ATP9B: variants seen among roughly 807,000 people sequenced by gnomAD.
The protein encoded by ATP9B is ATPase phospholipid transporting 9B, also known as probable phospholipid-transporting ATPase IIB.
Under a neutral mutation model 146.1 loss-of-function variants are expected in ATP9B, and 110 were observed. The ratio of observed to expected loss-of-function variants is 0.75; its 90% CI spans 0.65 to 0.88. ATP9B has a LOEUF of 0.88. ATP9B is among the 40% of genes least tolerant of loss of function. The pLI, the probability that ATP9B is intolerant of heterozygous loss-of-function variation, is 0.00. For synonymous variants in ATP9B, 604 were observed against 569.7 expected, an observed-to-expected ratio of 1.06 and a Z score of -0.86; for missense variants, 1,499 against 1,496.4, an observed-to-expected ratio of 1.00 and a Z score of -0.03.
chr18:79,225,364 C>G lies in ATP9B; in HGVS notation c.1107+11326C>G, dbSNP rs367863628. Among the ~76,000 whole-genome samples the G allele has an allele frequency of 2.4e-3, 366 of 152,268 alleles. 2 individuals carry two copies. Among genetic ancestry groups the G allele is most frequent in the South Asian group, 6.4e-3 (31 of 4,820 alleles). ...AGTTAGTATTGTCAGCTGATAATTA[C>G]CTGTTGCAAAACTTTAAAATATATC... On this transcript the variant is annotated intron_variant, in intron 11 of 29. Transcript: ENST00000426216.
intron 1 of ATP9B, among the ~76,000 whole-genome samples, chr18:79,073,365 G>A (rs903726539): frequency 3.3e-5 from 5 of 152,298 alleles, no homozygotes; most frequent in South Asian, 2.1e-4. Context: ...GCGAGACTCC[G>A]TCTGCAATCC....
rs1026525085 is a variant in ATP9B at position 79,140,493 on chromosome 18, G to A, written c.668-3309G>A. Among the ~76,000 whole-genome samples the A allele has an allele frequency of 5.9e-5, 9 of 152,064 alleles. 1 individual carries two copies. The highest frequency in any genetic ancestry group is 1.2e-4 in the African/African-American group (5 of 41,400). On this transcript the variant is annotated intron_variant, in intron 5 of 29. Coordinates refer to ENST00000426216, the MANE Select transcript of ATP9B (RefSeq NM_198531.5). Reference sequence around the variant, plus strand: ...CATTGGTATAAGAACAGGTGGTTATGGCCAGGCACGGTGGCTCATGCCTGT... The same window carrying A: ...CATTGGTATAAGAACAGGTGGTTATAGCCAGGCACGGTGGCTCATGCCTGT...
At chr18:79,227,390 C>CATGGATGGGTGG (rs1287567625) in intron 11 of ATP9B, among the ~76,000 whole-genome samples, 1 of 73,866 alleles carries the variant, frequency 1.4e-5, no homozygotes, top group Non-Finnish European at 2.5e-5. Context: ...GTGTGAATTG[C>CATGGATGGGTGG]ATGGATGGGT....
intron 2 of ATP9B, among the ~76,000 whole-genome samples, chr18:79,101,445 G>A (rs553038441): frequency 1.8e-4 from 28 of 152,254 alleles, no homozygotes; most frequent in African/African-American, 6.5e-4. Context: ...TGTAGGTTGT[G>A]TCAAGTTTTT....
intron 10 of ATP9B, among the ~76,000 whole-genome samples, chr18:79,209,068 C>T (rs1022108720): frequency 3.9e-5 from 6 of 152,204 alleles, no homozygotes; most frequent in African/African-American, 1.4e-4. Flanking sequence ...GTGGTCAGTG[C>T]TGGCCTGGCC....
At chr18:79,211,207 C>T (rs1402059870) in intron 10 of ATP9B, among the ~76,000 whole-genome samples, 2 of 152,146 alleles carry the variant, frequency 1.3e-5, no homozygotes. Context: ...GTATATTTTT[C>T]TACAAAATTT....
At chr18:79,089,090 G>C (rs532612886) in intron 1 of ATP9B, among the ~76,000 whole-genome samples, 16 of 152,198 alleles carry the variant, frequency 1.1e-4, no homozygotes, top group Middle Eastern at 6.8e-3. Flanking sequence ...TGATGCAGTG[G>C]ACTTTGGCGA....
chr18:79,295,118 AC>A (rs2096538544), intron 13 of ATP9B, among the ~76,000 whole-genome samples: 7 of 152,100 alleles, frequency 4.6e-5, no homozygotes, highest in African/African-American at 1.7e-4. Context: ...ACAGACACAC[AC>A]ACACACACAG....
intron 10 of ATP9B, among the ~76,000 whole-genome samples, chr18:79,207,222 G>C (rs938450970): frequency 6.6e-6 from 1 of 152,186 alleles, no homozygotes; most frequent in African/African-American, 2.4e-5. Flanking sequence ...TGGTTCGCAA[G>C]GCCTGAGACA....
At chr18:79,076,191 T>C (rs1463792116) in intron 1 of ATP9B, among the ~76,000 whole-genome samples, 1 of 152,250 alleles carries the variant, frequency 6.6e-6, no homozygotes, top group African/African-American at 2.4e-5. Flanking sequence ...TTGCTTTCTC[T>C]CAATCTAGAA....
chr18:79,348,037 G>A, intron 24 of ATP9B, 95 bp from the exon 25 acceptor site: 2 of 1,601,894 alleles, frequency 1.2e-6, no homozygotes, highest in South Asian at 1.1e-5. Flanking sequence ...AAGTACCTGG[G>A]CTGTGCTTAG....
At chr18:79,191,167 C>T (rs1023043693) in intron 8 of ATP9B, among the ~76,000 whole-genome samples, 2 of 152,158 alleles carry the variant, frequency 1.3e-5, no homozygotes, top group Admixed American at 1.3e-4. Context: ...CCATTGTCTT[C>T]TGACTCCATT....
intron 11 of ATP9B, among the ~76,000 whole-genome samples, chr18:79,221,430 A>G (rs775608415): frequency 6.6e-6 from 1 of 152,234 alleles, no homozygotes; most frequent in Non-Finnish European, 1.5e-5. Context: ...TAGTACTTTC[A>G]AAACTATCAG....
intron 21 of ATP9B, among the ~76,000 whole-genome samples, 161 bp downstream of exon 21, chr18:79,344,515 GC>G (rs1430083521): frequency 6.6e-6 from 1 of 151,848 alleles, no homozygotes; most frequent in African/African-American, 2.4e-5. Flanking sequence ...CTGGACCCTG[GC>G]CCAGTGTGTG....
intron 6 of ATP9B, chr18:79,144,070 A>T (rs2094547611): frequency 2.7e-6 from 1 of 363,966 alleles, no homozygotes; most frequent in Non-Finnish European, 4.9e-6. Context: ...GCAAAGTCAT[A>T]TTTTTTCTGA....
At chr18:79,161,921 A>G (rs1363424164) in intron 7 of ATP9B, among the ~76,000 whole-genome samples, 1 of 152,274 alleles carries the variant, frequency 6.6e-6, no homozygotes, top group Non-Finnish European at 1.5e-5. Context: ...TTCAAGCTAT[A>G]TAAAATTTGT....
At position 79,110,391 on chromosome 18, in the gene ATP9B, G is replaced by GA. The variant is rs759342843; in HGVS notation, c.333dup (p.Glu112ArgfsTer13). On this transcript the variant is annotated frameshift_variant, in exon 3 of 30. Coordinates refer to ENST00000426216, the MANE Select transcript of ATP9B (RefSeq NM_198531.5). LOFTEE classifies it high-confidence loss of function. Reference sequence around the variant, plus strand: ...GGCTGATAAATATTTGTCGAAGAAAGAAAGAGCTGAAAGCTCGCACAGTAT... The same window carrying GA: ...GGCTGATAAATATTTGTCGAAGAAAGAAAAGAGCTGAAAGCTCGCACAGTAT... 4.3e-5 allele frequency: 69 copies of GA among 1,607,036 alleles called. No homozygotes were observed. The highest frequency in any genetic ancestry group is 5.0e-5 in the Non-Finnish European group (59 of 1,176,054).
Position 79,307,127 on chromosome 18 carries a change from C to G in ATP9B, c.1666C>G (p.Pro556Ala). 1 of 1,614,142 alleles carries G rather than the reference C, an allele frequency of 6.2e-7. No homozygotes were observed. The highest frequency in any genetic ancestry group is 8.5e-7 in the Non-Finnish European group (1 of 1,180,034). ...CATCGTGCTGTGTCACAACGTGACCCCCGTGTATGAGTCTCGGGCCGGCGT... is the reference window on the plus strand; with the variant it reads ...CATCGTGCTGTGTCACAACGTGACCGCCGTGTATGAGTCTCGGGCCGGCGT... Reference protein sequence around the residue: ...KAIVLCHNVTPVYESRAGVTE... With the variant: ...KAIVLCHNVTAVYESRAGVTE... The change falls in exon 15 of 30, where the codon CCC becomes GCC. Residue 556 changes from proline (P) to alanine (A), a missense_variant. Pro to Ala is a conservative substitution (Grantham distance 27, BLOSUM62 -1). Coordinates refer to ENST00000426216, the MANE Select transcript of ATP9B (RefSeq NM_198531.5).
At chr18:79,170,981 A>G (rs1445137520) in intron 7 of ATP9B, among the ~76,000 whole-genome samples, 1 of 152,308 alleles carries the variant, frequency 6.6e-6, no homozygotes, top group Admixed American at 6.5e-5. Flanking sequence ...GCAGCTTTAC[A>G]TGGTATGCTT....
Sources: allele counts gnomAD v4.1 joint callset (sites outside exome capture counted in the v4.1 genomes callset), GRCh38; gene constraint gnomAD v4.1.1; transcripts MANE v1.5; gene names NCBI Gene and HGNC (gene_info 2026-07-23, HGNC 2026-07-21).